The following INSL6 variants were observed in gnomAD, a reference collection of about 807,000 sequenced individuals.
INSL6 encodes insulin-like peptide INSL6.
INSL6 carries 16 observed loss-of-function variants against 9.4 expected under a neutral mutation model. That is an observed-to-expected ratio of 1.70 (90% CI 1.15 to 2.59). The LOEUF (loss-of-function observed/expected upper bound fraction) is 2.59, where lower values mean the gene tolerates loss of function less well. INSL6 is among the 30% of genes most tolerant of loss of function. The pLI is 0.00. For synonymous variants in INSL6, 154 were observed against 96.9 expected (o/e 1.59, Z -3.46); for missense variants, 391 against 257.3 (o/e 1.52, Z -3.56).
the INSL6 span, chr9:5,069,282 A>G: frequency 3.2e-6 from 3 of 943,184 alleles, no homozygotes; most frequent in Non-Finnish European, 4.8e-6. Context: ...TCTTCAGTAC[A>G]TTGATTTCAA....
At chr9:5,182,229 T>C (rs972669293) in intron 1 of INSL6, among the ~76,000 whole-genome samples, 1 of 152,094 alleles carries the variant, frequency 6.6e-6, no homozygotes, top group African/African-American at 2.4e-5. Context: ...TATGCAGTAG[T>C]TAGAAGCAAT....
At chr9:5,041,356 G>A in the INSL6 span, 1 of 637,124 alleles carries the variant, frequency 1.6e-6, no homozygotes, top group South Asian at 1.7e-5. Flanking sequence ...CGTGCTACAT[G>A]AGCATCAACA....
chr9:4,995,594 T>TA, the INSL6 span, among the ~76,000 whole-genome samples: 1 of 152,232 alleles, frequency 6.6e-6, no homozygotes, highest in African/African-American at 2.4e-5. Context: ...TGTTTCATTC[T>TA]AAAAATGGCT....
the INSL6 span, chr9:5,090,758 C>T: frequency 6.2e-7 from 1 of 1,603,484 alleles, no homozygotes; most frequent in Non-Finnish European, 8.5e-7. Context: ...TATCTTGGTA[C>T]AAAAAGGTAT....
At chr9:5,073,140 T>C in the INSL6 span, among the ~76,000 whole-genome samples, 1 of 152,198 alleles carries the variant, frequency 6.6e-6, no homozygotes, top group African/African-American at 2.4e-5. Flanking sequence ...TAGAAGATGA[T>C]GTGAAAAGTT....
At chr9:5,154,166 C>T (rs577052648) in intron 2 of INSL6, among the ~76,000 whole-genome samples, 2 of 152,132 alleles carry the variant, frequency 1.3e-5, no homozygotes, top group Non-Finnish European at 2.9e-5. Context: ...AGAAATAATA[C>T]CACACATCTA....
the INSL6 span, among the ~76,000 whole-genome samples, chr9:5,039,886 C>A: frequency 6.6e-6 from 1 of 152,088 alleles, no homozygotes; most frequent in African/African-American, 2.4e-5. Flanking sequence ...TGGCAATACT[C>A]CTTAATTGAT....
At chr9:5,095,612 T>C in the INSL6 span, among the ~76,000 whole-genome samples, 2 of 152,106 alleles carry the variant, frequency 1.3e-5, no homozygotes, top group Non-Finnish European at 2.9e-5. Context: ...GGCATACTTC[T>C]CCTCACATGA....
the INSL6 span, among the ~76,000 whole-genome samples, chr9:5,066,324 A>G: frequency 6.6e-6 from 1 of 152,104 alleles, no homozygotes; most frequent in African/African-American, 2.4e-5. Context: ...GTATTTTCTG[A>G]TATATAATCT....
intron 3 of INSL6, chr9:5,127,076 A>G (rs759077179): frequency 4.5e-5 from 12 of 265,624 alleles, no homozygotes; most frequent in Admixed American, 3.1e-4. Context: ...AAAAAAATAG[A>G]CTTTTTCAAC....
intron 2 of INSL6, among the ~76,000 whole-genome samples, chr9:5,151,186 C>T (rs1200772672): frequency 6.6e-6 from 1 of 151,292 alleles, no homozygotes; most frequent in African/African-American, 2.4e-5. Context: ...CACCACTATG[C>T]AATATATCCA....
chr9:5,149,594 A>G lies in INSL6; in HGVS notation c.376+14585T>C, dbSNP rs144640618. On this transcript the variant is annotated intron_variant, in intron 2 of 3. Coordinates refer to the INSL6 transcript ENST00000649639. ...GCAGTGATGAAAGAAATTATAGATG[A>G]CACAAACAAATGGAAAAACGGCTGA... Among the ~76,000 whole-genome samples the G allele has an allele frequency of 9.2e-5, 14 of 152,362 alleles. No individual in the cohort carries two copies. In the South Asian group the frequency reaches 2.5e-3, roughly 27 times the overall value.
the INSL6 span, among the ~76,000 whole-genome samples, chr9:5,071,202 G>A: frequency 2.6e-5 from 4 of 152,130 alleles, no homozygotes; most frequent in African/African-American, 9.6e-5. Flanking sequence ...AAATCTTTTC[G>A]GAACCACATA....
the INSL6 span, among the ~76,000 whole-genome samples, chr9:5,116,879 G>T: frequency 6.6e-6 from 1 of 152,200 alleles, no homozygotes; most frequent in African/African-American, 2.4e-5. Flanking sequence ...TGCAATAAGT[G>T]TAAGTGCAAT....
At chr9:5,087,207 C>G in the INSL6 span, among the ~76,000 whole-genome samples, 158 of 152,220 alleles carry the variant, frequency 1.0e-3, no homozygotes, top group Admixed American at 2.3e-3. Context: ...TGACAGTTAC[C>G]CATGGCTGGG....
chr9:5,002,332 T>A, the INSL6 span, among the ~76,000 whole-genome samples: 2 of 151,998 alleles, frequency 1.3e-5, no homozygotes, highest in Non-Finnish European at 2.9e-5. Context: ...CAAATTTTAT[T>A]GTTTATTATC....
chr9:5,006,006 A>G, the INSL6 span, among the ~76,000 whole-genome samples: 429 of 152,290 alleles, frequency 2.8e-3, 1 homozygote, highest in African/African-American at 0.01. Flanking sequence ...TGAACTTTAA[A>G]GTAGTTTTTT....
the INSL6 span, among the ~76,000 whole-genome samples, chr9:5,002,789 T>C: frequency 6.6e-5 from 10 of 152,020 alleles, no homozygotes; most frequent in Non-Finnish European, 1.3e-4. Context: ...TTGGAAACTA[T>C]TATTGTGTGC....
At chr9:5,085,102 G>T in the INSL6 span, 18 of 656,410 alleles carry the variant, frequency 2.7e-5, no homozygotes, top group Admixed American at 3.1e-4. Flanking sequence ...GTACTGCTGG[G>T]CAAGGTAGGT....
Sources: allele counts gnomAD v4.1 joint callset (sites outside exome capture counted in the v4.1 genomes callset), GRCh38; gene constraint gnomAD v4.1.1; transcripts MANE v1.5; gene names NCBI Gene and HGNC (gene_info 2026-07-23, HGNC 2026-07-21).